DNMT3B: variants seen among roughly 807,000 people sequenced by gnomAD.
The protein encoded by DNMT3B is DNA methyltransferase 3 beta.
A neutral mutation model predicts 120.2 loss-of-function variants in DNMT3B; 37 were observed. The observed-to-expected ratio is 0.31, with a 90% CI of 0.24 to 0.40. DNMT3B has a LOEUF of 0.40. Ranked by LOEUF, DNMT3B falls within the 10% of genes least tolerant of loss-of-function variation. The pLI, the probability that DNMT3B is intolerant of heterozygous loss-of-function variation, is 1.00. For synonymous variants in DNMT3B, 412 were observed against 442.8 expected (o/e 0.93, Z 0.87); for missense variants, 878 against 1,137.3 (o/e 0.77, Z 3.28).
intron 1 of DNMT3B, among the ~76,000 whole-genome samples, chr20:32,764,262 T>G (rs1349090480): frequency 6.6e-6 from 1 of 152,220 alleles, no homozygotes; most frequent in Non-Finnish European, 1.5e-5. Context: ...TGTGTAAGGA[T>G]GAAACCAGTC....
At chr20:32,799,198 T>G in intron 15 of DNMT3B, 46 bp from the exon 16 acceptor site, 2 of 1,584,588 alleles carry the variant, frequency 1.3e-6, no homozygotes, top group Non-Finnish European at 8.6e-7. Flanking sequence ...AGCTTGAGTC[T>G]TTGCCCTGTG....
intron 1 of DNMT3B, among the ~76,000 whole-genome samples, chr20:32,769,367 G>A (rs145286276): frequency 5.9e-4 from 90 of 152,294 alleles, no homozygotes; most frequent in African/African-American, 2.0e-3. Context: ...GATTACAGGC[G>A]TGAGCCACCA....
At position 32,797,141 on chromosome 20, in the gene DNMT3B, C is replaced by G. The variant is rs758005962; in HGVS notation, c.1378-46C>G. 2.7e-5 allele frequency: 44 copies of G among 1,609,704 alleles called. No homozygotes were observed. In the East Asian group the frequency reaches 8.0e-4, roughly 29 times the overall value. On this transcript the variant is annotated intron_variant, in intron 13 of 22. Coordinates refer to ENST00000328111, the MANE Select transcript of DNMT3B (RefSeq NM_006892.4). ...CCACCAGCAAGCCGGCAGGGCCTGC[C>G]CTTCTCTGGTCTCCGATTTCACTGG...
Position 32,801,444 on chromosome 20 carries a change from C to T in DNMT3B, c.2145+18C>T, listed in dbSNP as rs1981330473. 1.2e-6 allele frequency: 2 copies of T among 1,613,608 alleles called. No homozygotes were observed. The highest frequency in any genetic ancestry group is 1.7e-6 in the Non-Finnish European group (2 of 1,180,002). On this transcript the variant is annotated intron_variant, in intron 19 of 22. Coordinates refer to ENST00000328111, the MANE Select transcript of DNMT3B (RefSeq NM_006892.4). Reference sequence around the variant, plus strand: ...TCCTGGAGGTGAGGGAATCTGGGGACCTGATTGTCACAGACAGCCAGGGCA... The same window carrying T: ...TCCTGGAGGTGAGGGAATCTGGGGATCTGATTGTCACAGACAGCCAGGGCA...
At chr20:32,804,875 C>T (rs1981795126) in intron 20 of DNMT3B, among the ~76,000 whole-genome samples, 1 of 151,960 alleles carries the variant, frequency 6.6e-6, no homozygotes, top group South Asian at 2.1e-4. Context: ...CTTTTAAAGC[C>T]TCCTGAGGCT....
At chr20:32,784,726 CTTCATCATG>C (rs776367099) in intron 3 of DNMT3B, 23 bp from the exon 4 acceptor site, 1 of 1,611,442 alleles carries the variant, frequency 6.2e-7, no homozygotes, top group African/African-American at 1.3e-5. Flanking sequence ...ACCCTGGGGT[CTTCATCATG>C]TTCATCATGT....
chr20:32,794,596 G>A (rs1306748617), intron 10 of DNMT3B, among the ~76,000 whole-genome samples: 7 of 152,006 alleles, frequency 4.6e-5, no homozygotes, highest in African/African-American at 7.3e-5. Context: ...TCCAGGAGGC[G>A]GAGGTTGCAG....
At chr20:32,771,629 G>C (rs181299091) in intron 1 of DNMT3B, among the ~76,000 whole-genome samples, 1 of 91,776 alleles carries the variant, frequency 1.1e-5, no homozygotes, top group South Asian at 4.2e-4. Context: ...GAGCAAGACC[G>C]CATCTCAAAA....
chr20:32,783,128 T>C lies in DNMT3B; in HGVS notation c.205-1630T>C, dbSNP rs553809845. 5.9e-5 allele frequency among the ~76,000 whole-genome samples: 9 copies of C among 152,270 alleles called. No homozygotes were observed. The East Asian group carries it at 1.5e-3, about 26-fold the overall frequency. ...TTTTAGTAGAGATGGGGTTTCACCATGTTGGCCAGGCTGGTCTCGAACTCC... is the reference window on the plus strand; with the variant it reads ...TTTTAGTAGAGATGGGGTTTCACCACGTTGGCCAGGCTGGTCTCGAACTCC... On this transcript the variant is annotated intron_variant, in intron 3 of 22. Coordinates refer to ENST00000328111, the MANE Select transcript of DNMT3B (RefSeq NM_006892.4).
At chr20:32,775,696 C>T (rs778713230) in intron 1 of DNMT3B, among the ~76,000 whole-genome samples, 4 of 152,368 alleles carry the variant, frequency 2.6e-5, no homozygotes, top group African/African-American at 9.6e-5. Flanking sequence ...TGAAGGGAAA[C>T]GCTCAGCTGG....
At chr20:32,773,079 A>T (rs992633430) in intron 1 of DNMT3B, among the ~76,000 whole-genome samples, 3 of 151,420 alleles carry the variant, frequency 2.0e-5, no homozygotes, top group Non-Finnish European at 4.4e-5. Context: ...TCGGCCTCCC[A>T]AAGTGCTGGG....
At position 32,787,240 on chromosome 20, in the gene DNMT3B, G is replaced by A. The variant is rs1457500486; in HGVS notation, c.443G>A (p.Arg148Gln). 1.4e-5 allele frequency: 23 copies of A among 1,614,194 alleles called. No homozygotes were observed. Among genetic ancestry groups the A allele is most frequent in the East Asian group, 1.1e-4 (5 of 44,882 alleles). Residue 148 changes from arginine (R) to glutamine (Q), a missense_variant, in exon 6 of 23, where the codon CGG (arginine) becomes CAG (glutamine). By Grantham distance (43) the Arg-to-Gln change is conservative. Transcript: ENST00000328111. The part of the protein sequence containing the change: ...VEFPATRSLR[R>Q]RATASAGTPW... ...TCCTTCTGTCCACAGTCCCTGAGAC[G>A]GCGGGCAACAGCATCGGCAGGAACG...
In DNMT3B at chr20:32,798,507, C is replaced by A. The variant is rs116943489; in HGVS notation, c.1538C>A (p.Ala513Glu). 6.2e-7 allele frequency: 1 copy of A among 1,614,184 alleles called. No individual in the cohort carries two copies. The highest frequency in any genetic ancestry group is 2.2e-5 in the East Asian group (1 of 44,880). The stretch of plus-strand genomic sequence containing the variant: ...GAGGTGCTGGTGGGCACAGGCACAG[C>A]GGCCGAGGCCAAGCTTCAGGAGCCC... Reference protein sequence around the residue: ...CLEVLVGTGTAAEAKLQEPWS... With the variant: ...CLEVLVGTGTEAEAKLQEPWS... The change falls in exon 15 of 23, where the codon GCG (alanine) becomes GAG (glutamate). Residue 513 changes from alanine to glutamate, a missense_variant. This residue lies in a region of DNMT3B where 334 missense variants were observed against 518.8 expected (regional missense o/e 0.64). Coordinates refer to ENST00000328111, the MANE Select transcript of DNMT3B (RefSeq NM_006892.4).
chr20:32,781,385 G>C lies in DNMT3B; in HGVS notation c.175G>C (p.Glu59Gln). 4 of 1,614,184 alleles carry C rather than the reference G, an allele frequency of 2.5e-6. No individual in the cohort carries two copies. Among genetic ancestry groups the C allele is most frequent in the Non-Finnish European group, 3.4e-6 (4 of 1,180,040 alleles). Residue 59 changes from glutamate (E) to glutamine (Q), a missense_variant, in exon 3 of 23, where the codon GAG becomes CAG. Glu to Gln is a conservative substitution (Grantham distance 29). Transcript: ENST00000328111. ...RRSSSRLSKR[E>Q]VSSLLSYTQD... ...ATCAAGCTCGCGACTCTCCAAGAGG[G>C]AGGTGTCCAGTCTGCTAAGCTACAC...
At chr20:32,806,388 T>C in intron 22 of DNMT3B, 61 bp downstream of exon 22, 1 of 1,471,588 alleles carries the variant, frequency 6.8e-7, no homozygotes, top group Non-Finnish European at 9.4e-7. Context: ...TGGGCAGACA[T>C]GGGCAGGTGC....
chr20:32,799,429 A>G, intron 16 of DNMT3B, 101 bp downstream of exon 16: 1 of 1,355,528 alleles, frequency 7.4e-7, no homozygotes, highest in Non-Finnish European at 1.0e-6. Flanking sequence ...GTGGCAAGAA[A>G]GGTCCCTGGG....
At chr20:32,791,833 A>C in intron 8 of DNMT3B, 125 bp downstream of exon 8, 1 of 977,982 alleles carries the variant, frequency 1.0e-6, no homozygotes, top group Non-Finnish European at 1.6e-6. Context: ...GGGAGGAGGT[A>C]AATGACAACA....
At chr20:32,800,063 C>G in intron 16 of DNMT3B, 90 bp from the exon 17 acceptor site, 1 of 1,561,832 alleles carries the variant, frequency 6.4e-7, no homozygotes, top group Non-Finnish European at 8.8e-7. Flanking sequence ...TCATGAGGAA[C>G]TGTTCATTTT....
chr20:32,768,530 T>C (rs1987525853), intron 1 of DNMT3B, among the ~76,000 whole-genome samples: 3 of 152,240 alleles, frequency 2.0e-5, no homozygotes, highest in South Asian at 2.1e-4. Flanking sequence ...TCTCGGTATG[T>C]TGCCCAGGCT....
Sources: allele counts gnomAD v4.1 joint callset (sites outside exome capture counted in the v4.1 genomes callset), GRCh38; gene constraint gnomAD v4.1.1; regional missense constraint gnomAD v4.1.1; transcripts MANE v1.5; gene names NCBI Gene and HGNC (gene_info 2026-07-23, HGNC 2026-07-21).